The following PDE4D variants were observed in gnomAD, a reference collection of about 807,000 sequenced individuals.
PDE4D encodes phosphodiesterase 4D, also known as 3',5'-cyclic-AMP phosphodiesterase 4D.
PDE4D carries 24 observed loss-of-function variants against 87.4 expected under a neutral mutation model. That is an observed-to-expected ratio of 0.27 (90% CI 0.20 to 0.39). The LOEUF (loss-of-function observed/expected upper bound fraction) is 0.39, where lower values mean the gene tolerates loss of function less well. Ranked by LOEUF, PDE4D falls within the 10% of genes least tolerant of loss-of-function variation. The pLI is 1.00. For missense variants in PDE4D, 714 were observed against 1,041.0 expected (o/e 0.69, Z 4.32); for synonymous variants, 384 against 383.2 (o/e 1.00, Z -0.02).
At chr5:59,118,255 G>A (rs2153443906) in intron 5 of PDE4D, among the ~76,000 whole-genome samples, 1 of 152,266 alleles carries the variant, frequency 6.6e-6, no homozygotes, top group Admixed American at 6.5e-5. Context: ...ACTTGCCATG[G>A]CTGGCCCAGG....
chr5:60,486,170 T>C (rs1430992420), intron 1 of PDE4D, among the ~76,000 whole-genome samples: 1 of 152,222 alleles, frequency 6.6e-6, no homozygotes, highest in Admixed American at 6.5e-5. Context: ...TACTTCTTAC[T>C]CTTAGATGGG....
At chr5:58,989,415 C>T (rs959891420) in intron 10 of PDE4D, among the ~76,000 whole-genome samples, 6 of 151,428 alleles carry the variant, frequency 4.0e-5, no homozygotes, top group Non-Finnish European at 5.9e-5. Flanking sequence ...TTTTATAAAA[C>T]GTTCTTTGGC....
chr5:60,480,660 A>T lies in PDE4D; in HGVS notation c.-90+7282T>A, dbSNP rs189985921. Reference sequence around the variant, plus strand: ...AATTACTTTTGCACCAACCTTTTGCACCAATAATTGCTACACTATGCTGAG... The same window carrying T: ...AATTACTTTTGCACCAACCTTTTGCTCCAATAATTGCTACACTATGCTGAG... On this transcript the variant is annotated intron_variant, in intron 1 of 16. Transcript: ENST00000502484. Among the ~76,000 whole-genome samples, 499 of 152,250 alleles carry T rather than the reference A, an allele frequency of 3.3e-3. 10 individuals are homozygous for T. The highest frequency in any genetic ancestry group is 0.029 in the Admixed American group (445 of 15,288).
At chr5:60,213,186 C>T (rs1383067174) in intron 1 of PDE4D, among the ~76,000 whole-genome samples, 1 of 152,164 alleles carries the variant, frequency 6.6e-6, no homozygotes, top group Non-Finnish European at 1.5e-5. Context: ...ATAAGAGTTT[C>T]AAATACATAT....
chr5:59,658,447 T>C (rs997156225), intron 1 of PDE4D, among the ~76,000 whole-genome samples: 3 of 152,000 alleles, frequency 2.0e-5, no homozygotes, highest in African/African-American at 7.2e-5. Flanking sequence ...AGTGGCACGA[T>C]GTCGGCTCAC....
intron 1 of PDE4D, among the ~76,000 whole-genome samples, chr5:59,418,161 T>C (rs919646398): frequency 1.2e-4 from 19 of 152,330 alleles, no homozygotes; most frequent in African/African-American, 4.6e-4. Flanking sequence ...CACTTCATTC[T>C]TTCATAAGCA....
intron 1 of PDE4D, among the ~76,000 whole-genome samples, chr5:59,320,171 C>T (rs949931319): frequency 3.9e-5 from 6 of 151,986 alleles, no homozygotes; most frequent in East Asian, 1.9e-4. Flanking sequence ...TGTGTGTGCA[C>T]GCGCATGCAT....
rs115266198 is a variant in PDE4D, at chr5:60,375,320, G to A, written c.-90+112622C>T. On this transcript the variant is annotated intron_variant, in intron 1 of 16. Transcript: ENST00000502484. ...GGCTCTCAAACATTGTTGAATGAAT[G>A]AATGCTCCCTACCCCTATTTGTCTT... 4.0e-3 allele frequency among the ~76,000 whole-genome samples: 608 copies of A among 152,276 alleles called. 6 individuals are homozygous for A. The highest frequency in any genetic ancestry group is 0.014 in the African/African-American group (578 of 41,556).
rs537580350 is a variant in PDE4D, at chr5:59,736,279, T to C, written c.455+156889A>G. Among the ~76,000 whole-genome samples the C allele has an allele frequency of 2.1e-3, 320 of 152,244 alleles. 1 individual carries two copies. The highest frequency in any genetic ancestry group is 7.3e-3 in the African/African-American group (304 of 41,554). ...AAAATAATATTGAGATAGTATTTTA[T>C]ACCATCTAAAGACAAAACATGTTAA... On this transcript the variant is annotated intron_variant, in intron 1 of 14. Transcript: ENST00000340635.
intron 5 of PDE4D, among the ~76,000 whole-genome samples, chr5:59,065,079 C>T (rs879827130): frequency 0.28 from 12,795 of 45,466 alleles, 923 homozygotes; most frequent in African/African-American, 0.43. Flanking sequence ...CACACACACA[C>T]ACACACACAC....
At chr5:59,203,802 T>C (rs1314882610) in intron 2 of PDE4D, among the ~76,000 whole-genome samples, 4 of 152,082 alleles carry the variant, frequency 2.6e-5, no homozygotes, top group Non-Finnish European at 5.9e-5. Flanking sequence ...ATCAAACTTA[T>C]AGAAGCAGAG....
intron 1 of PDE4D, among the ~76,000 whole-genome samples, chr5:59,598,702 C>T (rs1282976507): frequency 6.6e-6 from 1 of 152,022 alleles, no homozygotes; most frequent in Non-Finnish European, 1.5e-5. Flanking sequence ...TGCTAAACTC[C>T]CAGTCCAAGG....
intron 1 of PDE4D, among the ~76,000 whole-genome samples, chr5:59,851,275 A>C: frequency 6.6e-6 from 1 of 152,074 alleles, no homozygotes; most frequent in East Asian, 1.9e-4. Flanking sequence ...TGACTTCTTA[A>C]CTGCAACTTC....
chr5:59,393,323 G>A (rs1327051465), intron 1 of PDE4D, among the ~76,000 whole-genome samples: 3 of 152,130 alleles, frequency 2.0e-5, no homozygotes, highest in African/African-American at 7.2e-5. Flanking sequence ...GGCACTTTAT[G>A]ATAAAGAACA....
intron 2 of PDE4D, among the ~76,000 whole-genome samples, chr5:60,063,172 A>AGG (rs1562044805): frequency 1.1e-4 from 16 of 151,608 alleles, no homozygotes; most frequent in African/African-American, 3.9e-4. Flanking sequence ...GAAAGAAAGA[A>AGG]AAAGAGAAAG....
intron 5 of PDE4D, among the ~76,000 whole-genome samples, chr5:59,156,457 T>G (rs1460742234): frequency 1.3e-4 from 19 of 151,164 alleles, no homozygotes; most frequent in African/African-American, 4.6e-4. Flanking sequence ...CTCAGAAGCC[T>G]TTTCTAAAAG....
In PDE4D at chr5:60,181,808, GAGA is replaced by G. The variant is rs556438192; in HGVS notation, c.42+3746_42+3748del. Among the ~76,000 whole-genome samples, 175 of 152,252 alleles carry G rather than the reference GAGA, an allele frequency of 1.1e-3. 1 individual carries two copies. The highest frequency in any genetic ancestry group is 4.1e-3 in the African/African-American group (172 of 41,562). Reference sequence around the variant, plus strand: ...AATTTATCTAGTTTATTCTCCAGATGAGAAGATTTATAAAACTTCATGAGTTTG... The same window carrying G: ...AATTTATCTAGTTTATTCTCCAGATGAGATTTATAAAACTTCATGAGTTTG... On this transcript the variant is annotated intron_variant, in intron 2 of 16. Transcript: ENST00000502484.
At chr5:59,290,477 A>G (rs1228725044) in intron 1 of PDE4D, among the ~76,000 whole-genome samples, 2 of 152,110 alleles carry the variant, frequency 1.3e-5, no homozygotes, top group Non-Finnish European at 2.9e-5. Flanking sequence ...AACTACTAAA[A>G]GAAAACATTG....
chr5:59,916,516 G>A (rs1754060764), intron 3 of PDE4D, among the ~76,000 whole-genome samples: 1 of 152,110 alleles, frequency 6.6e-6, no homozygotes, highest in Non-Finnish European at 1.5e-5. Context: ...TAAACTGTAG[G>A]GAAATAAGAG....
Sources: gnomAD v4.1 joint callset for allele counts (sites outside exome capture counted in the v4.1 genomes callset) on GRCh38, gnomAD v4.1.1 for gene constraint, MANE v1.5 for transcripts, NCBI Gene and HGNC (gene_info 2026-07-23, HGNC 2026-07-21) for gene names.